Variants in CEP72 observed in about 807,000 individuals in gnomAD.
CEP72 encodes centrosomal protein of 72 kDa.
In CEP72, 78 loss-of-function variants were observed where a neutral mutation model predicts 65.7. That is an observed-to-expected ratio of 1.19 (90% CI 0.99 to 1.43). The LOEUF is 1.43. Ranked by LOEUF, CEP72 falls within the 40% of genes most tolerant of loss-of-function variation. The pLI is 0.00. For synonymous variants in CEP72, 358 were observed against 351.7 expected (o/e 1.02, Z -0.20); for missense variants, 914 against 832.9 (o/e 1.10, Z -1.20).
In CEP72 at chr5:635,334, A is replaced by G. The variant is rs749628854; in HGVS notation, c.692-38A>G. ...TTTTTGATGGAATAAAACTTTTACA[A>G]TGTTTTATGAAATATTTTATTTACA... On this transcript the variant is annotated intron_variant, in intron 5 of 11. Transcript: ENST00000264935. 1.3e-5 allele frequency: 18 copies of G among 1,431,650 alleles called. No individual in the cohort carries two copies. The African/African-American group carries it at 1.7e-4, about 14-fold the overall frequency. The allele number at this position is 1,431,650 out of a possible 1,614,324, so 88.7% of individuals were successfully genotyped here. A position where few individuals can be genotyped will look rare whatever the true frequency, so the allele number is the denominator to read the frequency against.
chr5:673,076 C>T, the CEP72 span, among the ~76,000 whole-genome samples: 1 of 152,176 alleles, frequency 6.6e-6, no homozygotes, highest in Non-Finnish European at 1.5e-5. Flanking sequence ...AGGCCACTTC[C>T]TCACGGTCCC....
chr5:665,025 A>G (rs1180017330), intron 2 of CEP72: 4 of 1,511,674 alleles, frequency 2.6e-6, no homozygotes, highest in Non-Finnish European at 3.6e-6. Flanking sequence ...CAGTTAGTAC[A>G]GGAATGTAAT....
At chr5:670,935 G>A (rs941538233), downstream of CEP72, among the ~76,000 whole-genome samples, 3 of 152,332 alleles carry the variant, frequency 2.0e-5, no homozygotes, top group East Asian at 1.9e-4. Context: ...GGAAACCGGA[G>A]CCCTTCCTGC....
At chr5:619,306 T>G (rs1440009079) in intron 2 of CEP72, among the ~76,000 whole-genome samples, 189 bp downstream of exon 2, 1 of 152,256 alleles carries the variant, frequency 6.6e-6, no homozygotes, top group African/African-American at 2.4e-5. Context: ...GTTGTCGCCC[T>G]CTGATGACGA....
chr5:662,173 GCTCCGGCCA>G (rs1204730042), intron 1 of CEP72: 15 of 149,064 alleles, frequency 1.0e-4, no homozygotes, highest in African/African-American at 3.1e-4. Context: ...GAGCCCCGCC[GCTCCGGCCA>G]CTCCAGCCAG....
chr5:650,370 GA>G (rs1162352735), intron 11 of CEP72, among the ~76,000 whole-genome samples: 37 of 118,894 alleles, frequency 3.1e-4, no homozygotes, highest in Non-Finnish European at 4.9e-4. Flanking sequence ...GTGTGACTGT[GA>G]GGCGTGGACT....
At chr5:669,364 G>T (rs1004544781), downstream of CEP72, among the ~76,000 whole-genome samples, 3 of 152,166 alleles carry the variant, frequency 2.0e-5, no homozygotes, top group African/African-American at 7.2e-5. Flanking sequence ...TGACGCGCTC[G>T]GCGTGGACAC....
At chr5:667,369 T>G (rs998871216), downstream of CEP72, among the ~76,000 whole-genome samples, 1 of 152,182 alleles carries the variant, frequency 6.6e-6, no homozygotes, top group Non-Finnish European at 1.5e-5. Flanking sequence ...GTGATCCCTG[T>G]GCAAATTAAA....
chr5:641,829 C>G (rs1738055775), intron 9 of CEP72: 1 of 983,154 alleles, frequency 1.0e-6, no homozygotes, highest in Non-Finnish European at 1.2e-6. Context: ...GGTCCAGAAG[C>G]CTCTGCATTT....
intron 9 of CEP72, chr5:644,010 TG>T: frequency 2.9e-6 from 1 of 344,972 alleles, no homozygotes; most frequent in Non-Finnish European, 5.4e-6. Context: ...CTGCAGGTCC[TG>T]CTGGAGCACA....
intron 11 of CEP72, among the ~76,000 whole-genome samples, chr5:649,980 A>C (rs866504274): frequency 6.1e-5 from 3 of 48,960 alleles, no homozygotes; most frequent in Admixed American, 2.7e-4. Context: ...GTGAGGTGTG[A>C]CTGTGAGGCG....
chr5:648,845 G>GGACTGTGAGGTGT (rs1477903078), intron 11 of CEP72, among the ~76,000 whole-genome samples: 1 of 43,560 alleles, frequency 2.3e-5, no homozygotes, highest in African/African-American at 9.8e-5. Flanking sequence ...TGTGAGGTGT[G>GGACTGTGAGGTGT]GACTGTGAGG....
rs1237769585 is a variant in CEP72 at position 640,497 on chromosome 5, G to C, written c.1432G>C (p.Ala478Pro). The C allele has an allele frequency of 6.2e-7, 1 of 1,614,130 alleles. No individual in the cohort carries two copies. Among genetic ancestry groups the C allele is most frequent in the Admixed American group, 1.7e-5 (1 of 60,026 alleles). Residue 478 changes from alanine (A) to proline (P), a missense_variant, in exon 9 of 12, where the codon GCT becomes CCT. Transcript: ENST00000264935. Reference protein sequence around the residue: ...AMVGEDVGSLALESKSLQSRL... With the variant: ...AMVGEDVGSLPLESKSLQSRL... ...GGTGGGTGAAGATGTCGGCTCCCTG[G>C]CTCTGGAGAGTAAGTCCCTGCAAAG...
At chr5:654,358 G>T (rs1356730573), downstream of CEP72, among the ~76,000 whole-genome samples, 8 of 151,040 alleles carry the variant, frequency 5.3e-5, no homozygotes, top group Non-Finnish European at 1.2e-4. Context: ...CGCACCCTGT[G>T]TGTGTGCTGT....
At position 666,402 on chromosome 5, in the gene CEP72, T is replaced by C. The variant is rs1032652649; in HGVS notation, n.592+303T>C. Among the ~76,000 whole-genome samples the C allele has an allele frequency of 3.9e-5, 6 of 152,318 alleles. No homozygotes were observed. The East Asian group carries it at 5.8e-4, about 15-fold the overall frequency. On this transcript the variant is annotated intron_variant and non_coding_transcript_variant, in intron 4 of 4. Coordinates refer to the CEP72 transcript ENST00000514507. ...CTGCTGGGGCAGTGCCGGAGGCCAT[T>C]AGGCAGCGGAGCCCACCTCCTCCTC...
At chr5:668,857 C>T (rs1368351518), downstream of CEP72, among the ~76,000 whole-genome samples, 1 of 152,226 alleles carries the variant, frequency 6.6e-6, no homozygotes, top group African/African-American at 2.4e-5. Flanking sequence ...CGAGAACAAG[C>T]CCAGGATACG....
chr5:661,923 C>CT (rs1739628802), downstream of CEP72: 1 of 152,372 alleles, frequency 6.6e-6, no homozygotes, highest in South Asian at 2.1e-4. Flanking sequence ...GGGCGTGCCT[C>CT]TAACTCGTGG....
chr5:647,744 T>A, intron 10 of CEP72, 61 bp from the exon 11 acceptor site: 2 of 1,120,740 alleles, frequency 1.8e-6, no homozygotes, highest in Non-Finnish European at 2.6e-6. Context: ...TGTTTTCATT[T>A]TCAAAATGTA....
chr5:661,693 G>A (rs573025385), downstream of CEP72: 6 of 152,534 alleles, frequency 3.9e-5, no homozygotes, highest in East Asian at 3.8e-4. Flanking sequence ...TTCTGTGTTC[G>A]GAGGCGGCAC....
Sources: gnomAD v4.1 joint callset for allele counts (sites outside exome capture counted in the v4.1 genomes callset) on GRCh38, gnomAD v4.1.1 for gene constraint, MANE v1.5 for transcripts, NCBI Gene and HGNC (gene_info 2026-07-23, HGNC 2026-07-21) for gene names.